Variants in LIG1 observed in about 807,000 individuals in gnomAD.
The protein encoded by LIG1 is ligase I, DNA, ATP-dependent.
Under a neutral mutation model 115.7 loss-of-function variants are expected in LIG1, and 70 were observed. The ratio of observed to expected loss-of-function variants is 0.60; its 90% confidence interval spans 0.50 to 0.74. LIG1 has a LOEUF of 0.74. Ranked by LOEUF, LIG1 falls within the 30% of genes least tolerant of loss-of-function variation. LIG1 has a pLI of 0.00. For missense variants in LIG1, 1,115 were observed against 1,225.6 expected, an observed-to-expected ratio of 0.91 and a Z score of 1.35; for synonymous variants, 487 against 495.3, an observed-to-expected ratio of 0.98 and a Z score of 0.22.
At position 48,123,304 on chromosome 19, in the gene LIG1, C is replaced by T; in HGVS notation, c.2019G>A (p.Glu673=). ...IYLNGESLVR[E]PLSRRRQLLR... ...GCAGCTGCCGGCGCCGGGAAAGGGG[C>T]TCACGTACCAGGGACTGCAGGGCCG... Residue 673 remains glutamate, a synonymous_variant, in exon 22 of 28, where the codon GAG becomes GAA. Coordinates refer to ENST00000263274, the MANE Select transcript of LIG1 (RefSeq NM_000234.3). The T allele has an allele frequency of 6.2e-7, 1 of 1,613,588 alleles. No homozygotes were observed. Among genetic ancestry groups the T allele is most frequent in the South Asian group, 1.1e-5 (1 of 91,076 alleles).
intron 21 of LIG1, chr19:48,123,721 G>T: frequency 3.2e-6 from 1 of 312,210 alleles, no homozygotes; most frequent in South Asian, 3.0e-5. Context: ...GAATTCAAGC[G>T]ACTGTCTTGC....
intron 18 of LIG1, 138 bp downstream of exon 18, chr19:48,132,844 T>G (rs1360612682): frequency 4.3e-6 from 3 of 694,524 alleles, no homozygotes; most frequent in African/African-American, 4.0e-5. Flanking sequence ...TGGAGGTGGA[T>G]GCTGAAGCCC....
chr19:48,140,262 C>A, intron 11 of LIG1, 119 bp from the exon 12 acceptor site: 2 of 709,628 alleles, frequency 2.8e-6, no homozygotes, highest in Admixed American at 2.2e-5. Context: ...GAGGAAAGGG[C>A]TCAGAACAGT....
rs182419477 is a variant in LIG1 at position 48,125,107 on chromosome 19, T to C, written c.2005-1789A>G. ...AAATAGTTCATCCATGTTCAACTAC[T>C]ACTAATAAAAAAATTTGTAAAAGTA... On this transcript the variant is annotated intron_variant, in intron 21 of 27. Transcript: ENST00000263274. Among the ~76,000 whole-genome samples the C allele has an allele frequency of 2.2e-3, 335 of 152,072 alleles. 4 individuals carry two copies. The highest frequency in any genetic ancestry group is 1.5e-3 in the Admixed American group (23 of 15,266).
intron 5 of LIG1, chr19:48,154,436 C>T (rs1568540425): frequency 9.0e-6 from 2 of 223,120 alleles, no homozygotes; most frequent in Non-Finnish European, 1.8e-5. Context: ...CCAGCTGCCT[C>T]GCATCTCGGG....
intron 14 of LIG1, 117 bp from the exon 15 acceptor site, chr19:48,136,242 G>C: frequency 1.4e-6 from 1 of 729,998 alleles, no homozygotes; most frequent in Non-Finnish European, 2.3e-6. Context: ...AAAACCAGAA[G>C]AATCTTCAGA....
intron 2 of LIG1, among the ~76,000 whole-genome samples, chr19:48,163,751 G>C (rs1434938267): frequency 6.6e-6 from 1 of 152,024 alleles, no homozygotes; most frequent in Non-Finnish European, 1.5e-5. Flanking sequence ...AGACCATCCT[G>C]GCTAACACGG....
chr19:48,133,753 G>A (rs745332943), intron 17 of LIG1, among the ~76,000 whole-genome samples: 5 of 152,104 alleles, frequency 3.3e-5, no homozygotes, highest in African/African-American at 1.2e-4. Flanking sequence ...ACGCCACCAC[G>A]CCCGGCTCCT....
At chr19:48,144,104 C>T in intron 9 of LIG1, 141 bp from the exon 10 acceptor site, 1 of 747,304 alleles carries the variant, frequency 1.3e-6, no homozygotes, top group Non-Finnish European at 2.4e-6. Context: ...ACCTGGAGCT[C>T]ACATTCCAGC....
rs147374586 is a variant in LIG1 at position 48,128,037 on chromosome 19, G to C, written c.1822-17C>G. 6.3e-7 allele frequency: 1 copy of C among 1,592,638 alleles called. No individual in the cohort carries two copies. Among genetic ancestry groups the C allele is most frequent in the East Asian group, 2.2e-5 (1 of 44,760 alleles). ...GAGTTTAATCTGAAAAGTGAAGGGA[G>C]AGACCCAGGGCCTGAGAGAGGTGGA... On this transcript the variant is annotated splice_polypyrimidine_tract_variant and intron_variant, in intron 19 of 27. Coordinates refer to ENST00000263274, the MANE Select transcript of LIG1 (RefSeq NM_000234.3).
chr19:48,161,686 A>T (rs1250787004), intron 3 of LIG1, among the ~76,000 whole-genome samples, 179 bp from the exon 4 acceptor site: 1 of 151,620 alleles, frequency 6.6e-6, no homozygotes, highest in Non-Finnish European at 1.5e-5. Context: ...GCATTAATCC[A>T]CCCGCCCACT....
rs1428462957 is a variant in LIG1 at position 48,137,926 on chromosome 19, C to T, written c.1088-238G>A. ...TGGAGCCAGGAAAGCGGTGGATGAA[C>T]GAGCATGACCACACTCAGGGGAGAC... On this transcript the variant is annotated intron_variant, in intron 12 of 27. Coordinates refer to ENST00000263274, the MANE Select transcript of LIG1 (RefSeq NM_000234.3). The surrounding 1 kb of genome is among the most constrained non-coding windows in gnomAD (Gnocchi z 4.3). The T allele has an allele frequency of 1.7e-6, 1 of 597,474 alleles. No individual in the cohort carries two copies. The highest frequency in any genetic ancestry group is 3.0e-6 in the Non-Finnish European group (1 of 329,866). The allele number at this position is 597,474 out of a possible 1,614,324, so 37.0% of individuals were successfully genotyped here.
rs745611163 is a variant in LIG1, at chr19:48,137,062, A to C, written c.1277T>G (p.Ile426Ser). Reference protein sequence around the residue: ...GSASTAKKIDIIKGLFVACRH... With the variant: ...GSASTAKKIDSIKGLFVACRH... The stretch of plus-strand genomic sequence containing the variant: ...GCAGGCCACAAAGAGGCCTTTGATG[A>C]TGTCTATCTTCTTGGCTGTGGACTG... Residue 426 changes from isoleucine (I) to serine (S), a missense_variant, in exon 14 of 28, where the codon ATC (isoleucine) becomes AGC (serine). By Grantham distance (142) the Ile-to-Ser change is moderately radical (BLOSUM62 -2). Coordinates refer to ENST00000263274, the MANE Select transcript of LIG1 (RefSeq NM_000234.3). The surrounding 1 kb of genome is among the most constrained non-coding windows in gnomAD (Gnocchi z 4.3). The C allele has an allele frequency of 6.2e-7, 1 of 1,612,800 alleles. No individual in the cohort carries two copies. The highest frequency in any genetic ancestry group is 1.3e-5 in the African/African-American group (1 of 74,990).
At position 48,127,946 on chromosome 19, in the gene LIG1, G is replaced by C; in HGVS notation, c.1896C>G (p.Ile632Met). ...GGGTGGTGAGCACTTGGAATGGCTG[G>C]ATCTGCTTCTTTTCCCGGTCCCAAG... The part of the protein sequence containing the change: ...AVAWDREKKQ[I>M]QPFQVLTTRK... The change falls in exon 20 of 28, where the codon ATC (isoleucine) becomes ATG (methionine). Residue 632 changes from isoleucine to methionine, a missense_variant. Transcript: ENST00000263274. 2 of 1,614,178 alleles carry C rather than the reference G, an allele frequency of 1.2e-6. No homozygotes were observed. The highest frequency in any genetic ancestry group is 2.2e-5 in the South Asian group (2 of 91,084).
chr19:48,143,551 C>T lies in LIG1; in HGVS notation c.906G>A (p.Val302=), dbSNP rs774377044. ...CAGTCCTCATTAGTTACCGAGCAGA[C>T]ACCTCCTCGATCTTCTCAAACGTCC... is the stretch of plus-strand genomic sequence containing the variant. ...VARTFEKIEE[V]SARLRMVETL... Residue 302 remains valine, a synonymous_variant, in exon 11 of 28, where the codon GTG becomes GTA. Transcript: ENST00000263274. The T allele has an allele frequency of 1.4e-6, 2 of 1,403,498 alleles. No homozygotes were observed. The highest frequency in any genetic ancestry group is 1.1e-5 in the South Asian group (1 of 88,184). 86.9% of individuals were successfully genotyped at this position (1,403,498 alleles called of 1,614,324 possible).
chr19:48,159,484 T>A (rs2036047692), intron 4 of LIG1, among the ~76,000 whole-genome samples: 1 of 152,214 alleles, frequency 6.6e-6, no homozygotes, highest in Admixed American at 6.5e-5. Flanking sequence ...AAAAGAGATC[T>A]CTATTCTAAT....
chr19:48,121,000 G>A, intron 24 of LIG1, 170 bp downstream of exon 24: 5 of 1,486,152 alleles, frequency 3.4e-6, no homozygotes, highest in Non-Finnish European at 4.5e-6. Context: ...TTTTCTATAT[G>A]AAGCAAGAGT....
At chr19:48,136,380 T>C (rs139318154) in intron 14 of LIG1, among the ~76,000 whole-genome samples, 2 of 152,122 alleles carry the variant, frequency 1.3e-5, no homozygotes, top group Non-Finnish European at 2.9e-5. Flanking sequence ...GCACCTCCCA[T>C]CTCAGCTGCC....
chr19:48,162,024 T>C (rs545228912), intron 3 of LIG1, among the ~76,000 whole-genome samples: 1 of 152,206 alleles, frequency 6.6e-6, no homozygotes, highest in South Asian at 2.1e-4. Flanking sequence ...CTCTGCATTA[T>C]GGAGAATGTC....
Sources: gnomAD v4.1 joint callset for allele counts (sites outside exome capture counted in the v4.1 genomes callset) on GRCh38, gnomAD v4.1.1 for gene constraint, Gnocchi (gnomAD v3.1) non-coding constraint, MANE v1.5 for transcripts, NCBI Gene and HGNC (gene_info 2026-07-23, HGNC 2026-07-21) for gene names.